SLC2A9: variants seen among roughly 807,000 people sequenced by gnomAD.
SLC2A9 encodes the protein solute carrier family 2, facilitated glucose transporter member 9.
In SLC2A9, 39 loss-of-function variants were observed where a neutral mutation model predicts 50.6. The ratio of observed to expected loss-of-function variants is 0.77; its 90% CI spans 0.60 to 1.01. The LOEUF is 1.01. Ranked by LOEUF, SLC2A9 falls within the 50% of genes least tolerant of loss-of-function variation. The pLI is 0.00. For synonymous variants in SLC2A9, 324 were observed against 276.9 expected, an observed-to-expected ratio of 1.17 and a Z score of -1.69; for missense variants, 686 against 677.6, an observed-to-expected ratio of 1.01 and a Z score of -0.14.
At chr4:10,019,569 G>C (rs1429629101) in intron 1 of SLC2A9, among the ~76,000 whole-genome samples, 1 of 152,208 alleles carries the variant, frequency 6.6e-6, no homozygotes, top group African/African-American at 2.4e-5. Context: ...TCTAGGATGG[G>C]GACTGAAGTC....
At chr4:9,820,484 T>G (rs1283033554) in intron 3 of SLC2A9, among the ~76,000 whole-genome samples, 2 of 152,212 alleles carry the variant, frequency 1.3e-5, no homozygotes, top group African/African-American at 2.4e-5. Flanking sequence ...AAATTTCTTT[T>G]GGGATTTTGA....
intron 2 of SLC2A9, among the ~76,000 whole-genome samples, chr4:10,008,226 G>A (rs2109400515): frequency 6.6e-6 from 1 of 152,330 alleles, no homozygotes; most frequent in Admixed American, 6.5e-5. Flanking sequence ...TTTATGAAAT[G>A]AGAAAATTCT....
intron 3 of SLC2A9, among the ~76,000 whole-genome samples, chr4:9,994,954 C>A (rs1758379154): frequency 6.6e-6 from 1 of 152,094 alleles, no homozygotes; most frequent in South Asian, 2.1e-4. Flanking sequence ...CTCAGGGACC[C>A]TGGCCAGTGA....
intron 1 of SLC2A9, among the ~76,000 whole-genome samples, chr4:10,030,300 A>T (rs1400417258): frequency 6.6e-6 from 1 of 152,222 alleles, no homozygotes; most frequent in Admixed American, 6.5e-5. Flanking sequence ...ATATACCAAA[A>T]GATCACATTG....
chr4:9,894,014 G>A (rs1560257522), intron 8 of SLC2A9, among the ~76,000 whole-genome samples: 1 of 152,156 alleles, frequency 6.6e-6, no homozygotes, highest in Admixed American at 6.5e-5. Context: ...AGAAGGAAGT[G>A]GGATAGATGC....
At chr4:9,781,744 C>A (rs1718411765) in intron 3 of SLC2A9, 1 of 362,998 alleles carries the variant, frequency 2.8e-6, no homozygotes, top group Admixed American at 4.6e-5. Flanking sequence ...CGGCGCGCTA[C>A]AGACTCCCGA....
intron 1 of SLC2A9, among the ~76,000 whole-genome samples, chr4:10,037,964 TAATA>T (rs1370691391): frequency 3.4e-4 from 52 of 150,890 alleles, no homozygotes; most frequent in African/African-American, 1.2e-3. Flanking sequence ...AATAAATAAA[TAATA>T]AATAAATAAA....
intron 1 of SLC2A9, among the ~76,000 whole-genome samples, chr4:9,771,706 A>G (rs1716843487): frequency 6.6e-6 from 1 of 152,222 alleles, no homozygotes; most frequent in Non-Finnish European, 1.5e-5. Context: ...TGGGCTGTTG[A>G]GCTGTGCTAG....
upstream of SLC2A9, among the ~76,000 whole-genome samples, chr4:10,025,417 A>C (rs536318798): frequency 6.6e-6 from 1 of 152,286 alleles, no homozygotes; most frequent in African/African-American, 2.4e-5. Context: ...GGTCCAGCAC[A>C]GAGTAGGCAC....
At chr4:9,786,167 C>T (rs1719193098) in intron 3 of SLC2A9, among the ~76,000 whole-genome samples, 1 of 152,070 alleles carries the variant, frequency 6.6e-6, no homozygotes, top group African/African-American at 2.4e-5. Flanking sequence ...TGATGGAGAC[C>T]CAGCCTGAGC....
In SLC2A9 at chr4:9,920,651, G is replaced by T; in HGVS notation, c.815-79C>A. On this transcript the variant is annotated intron_variant, in intron 6 of 11. Coordinates refer to ENST00000264784, the MANE Select transcript of SLC2A9 (RefSeq NM_020041.3). ...TCTAATGCTGGGCCCTGCAGGGACGGGTCCCACCTCCTAGCCACACACCTT... is the reference window on the plus strand; with the variant it reads ...TCTAATGCTGGGCCCTGCAGGGACGTGTCCCACCTCCTAGCCACACACCTT... 1.9e-6 allele frequency: 3 copies of T among 1,555,194 alleles called. No homozygotes were observed. The South Asian group carries it at 3.4e-5, about 18-fold the overall frequency.
chr4:9,983,406 T>G (rs1756212100), intron 4 of SLC2A9, among the ~76,000 whole-genome samples: 2 of 152,256 alleles, frequency 1.3e-5, no homozygotes, highest in Admixed American at 1.3e-4. Flanking sequence ...GCTTGCACAT[T>G]GTGCACATTG....
At chr4:9,952,133 C>T (rs1750407157) in intron 5 of SLC2A9, among the ~76,000 whole-genome samples, 2 of 152,236 alleles carry the variant, frequency 1.3e-5, no homozygotes, top group East Asian at 3.8e-4. Flanking sequence ...CCTCAGTTTG[C>T]TCATCCGTAA....
At chr4:10,035,941 C>T (rs922107991) in intron 1 of SLC2A9, 1 of 160,670 alleles carries the variant, frequency 6.2e-6, no homozygotes, top group African/African-American at 2.4e-5. Flanking sequence ...CCTTTGGCGT[C>T]AGACTGAGAA....
chr4:9,983,666 T>G (rs891426149), intron 4 of SLC2A9, among the ~76,000 whole-genome samples: 2 of 152,130 alleles, frequency 1.3e-5, no homozygotes, highest in African/African-American at 4.8e-5. Flanking sequence ...AGAGCAGAAC[T>G]GCCCAGCCGA....
At position 9,788,948 on chromosome 4, in the gene SLC2A9, G is replaced by A. The variant is rs117005844; in HGVS notation, n.386-8883C>T. On this transcript the variant is annotated intron_variant and non_coding_transcript_variant, in intron 3 of 3. Transcript: ENST00000503803. ...CAGAGAAATCAAGATGTGGGCACTA[G>A]GGTGTTTATTGTTGCTGGGGTGACA... Among the ~76,000 whole-genome samples the A allele has an allele frequency of 3.4e-3, 521 of 152,300 alleles. 16 individuals are homozygous for A. In the East Asian group the frequency reaches 0.04, roughly 12 times the overall value.
chr4:9,907,231 T>C (rs187536632), intron 8 of SLC2A9, among the ~76,000 whole-genome samples: 4 of 152,322 alleles, frequency 2.6e-5, no homozygotes, highest in East Asian at 3.8e-4. Context: ...GGCACAGACA[T>C]AGCTACAAAA....
Position 9,826,473 on chromosome 4 carries a change from T to A in SLC2A9, c.1547A>T (p.Lys516Ile). ...TYAEISQAFS[K>I]RNKAYPPEEK... ...TTCTGGTGGGTATGCTTTGTTCCTT[T>A]TGGAAAATGCCTGGCTGATTTCTGC... is the stretch of plus-strand genomic sequence containing the variant. Residue 516 changes from lysine to isoleucine, a missense_variant, in exon 12 of 12, where the codon AAA becomes ATA. Transcript: ENST00000264784. 1.2e-6 allele frequency: 2 copies of A among 1,614,082 alleles called. No individual in the cohort carries two copies. The highest frequency in any genetic ancestry group is 1.7e-6 in the Non-Finnish European group (2 of 1,179,970).
At chr4:9,973,383 C>T (rs958089815) in intron 5 of SLC2A9, among the ~76,000 whole-genome samples, 1 of 152,118 alleles carries the variant, frequency 6.6e-6, no homozygotes, top group Non-Finnish European at 1.5e-5. Flanking sequence ...GAGCTGGTAC[C>T]AATCCTGCTG....
Sources: gnomAD v4.1 joint callset for allele counts (sites outside exome capture counted in the v4.1 genomes callset) on GRCh38, gnomAD v4.1.1 for gene constraint, MANE v1.5 for transcripts, NCBI Gene and HGNC (gene_info 2026-07-23, HGNC 2026-07-21) for gene names.